LRRC56: variants seen among roughly 807,000 people sequenced by gnomAD.
LRRC56 encodes the protein leucine rich repeat containing 56, also known as leucine-rich repeat-containing protein 56.
In LRRC56, 41 loss-of-function variants were observed where a neutral mutation model predicts 47.8. The observed-to-expected ratio is 0.86, with a 90% confidence interval of 0.67 to 1.11. The LOEUF (loss-of-function observed/expected upper bound fraction) is 1.11. Among genes scored for constraint, LRRC56 ranks in the 50% most tolerant of loss-of-function variants. LRRC56 has a pLI of 0.00. For missense variants in LRRC56, 759 were observed against 704.2 expected, an observed-to-expected ratio of 1.08 and a Z score of -0.88; for synonymous variants, 387 against 311.2, an observed-to-expected ratio of 1.24 and a Z score of -2.56.
chr11:554,691 A>G lies in LRRC56; in HGVS notation c.*415A>G. On this transcript the variant is annotated 3_prime_UTR_variant, in exon 14 of 14. Coordinates refer to ENST00000270115, the MANE Select transcript of LRRC56 (RefSeq NM_198075.4). ...GGGTAAGAGCCACCTCCTAGGCCGCAGTGGCCCAAGGTCCCAGCTGCTCGC... is the reference window on the plus strand; with the variant it reads ...GGGTAAGAGCCACCTCCTAGGCCGCGGTGGCCCAAGGTCCCAGCTGCTCGC... 1 of 429,110 alleles carries G rather than the reference A, an allele frequency of 2.3e-6. No homozygotes were observed. Among genetic ancestry groups the G allele is most frequent in the South Asian group, 3.4e-5 (1 of 29,560 alleles). The allele number at this position is 429,110 out of a possible 1,614,324, so 26.6% of individuals were successfully genotyped here.
the LRRC56 span, among the ~76,000 whole-genome samples, chr11:510,069 C>T: frequency 6.6e-6 from 1 of 152,072 alleles, no homozygotes; most frequent in African/African-American, 2.4e-5. Context: ...GCTGCCCTTT[C>T]CTTCTCCACC....
chr11:546,295 A>G (rs894056994), intron 6 of LRRC56, among the ~76,000 whole-genome samples: 5 of 152,042 alleles, frequency 3.3e-5, no homozygotes, highest in African/African-American at 9.7e-5. Context: ...TAGGCCAGGC[A>G]CAGTGGTTCA....
chr11:548,982 C>T (rs1476504399), intron 6 of LRRC56, among the ~76,000 whole-genome samples: 1 of 152,134 alleles, frequency 6.6e-6, no homozygotes, highest in Non-Finnish European at 1.5e-5. Context: ...CAAATCCCAG[C>T]CAATTCAGAG....
the LRRC56 span, among the ~76,000 whole-genome samples, chr11:509,785 G>A: frequency 4.8e-5 from 7 of 147,180 alleles, no homozygotes; most frequent in African/African-American, 1.8e-4. Flanking sequence ...GGATGGTCTC[G>A]AGCTCCTGAC....
At chr11:546,204 C>T (rs1852071010) in intron 6 of LRRC56, among the ~76,000 whole-genome samples, 1 of 151,820 alleles carries the variant, frequency 6.6e-6, no homozygotes, top group African/African-American at 2.4e-5. Flanking sequence ...AGCCGGGAGG[C>T]AGATGCTGCA....
At chr11:513,996 G>GT in the LRRC56 span, among the ~76,000 whole-genome samples, 4 of 151,524 alleles carry the variant, frequency 2.6e-5, no homozygotes, top group East Asian at 2.0e-4. Context: ...TTGTTTGTTT[G>GT]TTTTTTAATT....
the LRRC56 span, among the ~76,000 whole-genome samples, chr11:516,556 C>T: frequency 7.2e-5 from 11 of 152,286 alleles, no homozygotes; most frequent in East Asian, 2.1e-3. Context: ...TAAGTGCACA[C>T]CATGACGCAG....
chr11:509,763 G>A, the LRRC56 span, among the ~76,000 whole-genome samples: 2 of 145,894 alleles, frequency 1.4e-5, no homozygotes, highest in African/African-American at 5.1e-5. Flanking sequence ...CAGGGTTTCA[G>A]CGTGTTAGCC....
At position 554,704 on chromosome 11, in the gene LRRC56, C is replaced by G. The variant is rs917846970; in HGVS notation, c.*428C>G. Reference sequence around the variant, plus strand: ...CTCCTAGGCCGCAGTGGCCCAAGGTCCCAGCTGCTCGCCTGAGGCCGCCGG... The same window carrying G: ...CTCCTAGGCCGCAGTGGCCCAAGGTGCCAGCTGCTCGCCTGAGGCCGCCGG... On this transcript the variant is annotated 3_prime_UTR_variant, in exon 14 of 14. Transcript: ENST00000270115. 4 of 450,928 alleles carry G rather than the reference C, an allele frequency of 8.9e-6. No individual in the cohort carries two copies. Among genetic ancestry groups the G allele is most frequent in the African/African-American group, 8.3e-5 (4 of 47,912 alleles). 27.9% of individuals were successfully genotyped at this position (450,928 alleles called of 1,614,324 possible). A position where few individuals can be genotyped will look rare whatever the true frequency, so the allele number is the denominator to read the frequency against.
At position 554,822 on chromosome 11, in the gene LRRC56, C is replaced by G. The variant is rs757318140; in HGVS notation, c.*546C>G. On this transcript the variant is annotated 3_prime_UTR_variant, in exon 14 of 14. Transcript: ENST00000270115. The stretch of plus-strand genomic sequence containing the variant: ...TTCCCTCCTCTTGGCGCAGGACGCC[C>G]CGGAACCCAAACCAACATTTCCAGC... The G allele has an allele frequency of 1.9e-5, 11 of 581,446 alleles. No individual in the cohort carries two copies. The African/African-American group carries it at 2.3e-4, about 12-fold the overall frequency. 36.0% of individuals were successfully genotyped at this position (581,446 alleles called of 1,614,324 possible).
chr11:533,833 C>CGGT, upstream of LRRC56: 1 of 1,613,376 alleles, frequency 6.2e-7, no homozygotes, highest in Non-Finnish European at 8.5e-7. Context: ...AAGCCCTCCC[C>CGGT]GGTGCGCATG....
chr11:525,499 A>T, the LRRC56 span, among the ~76,000 whole-genome samples: 1 of 151,458 alleles, frequency 6.6e-6, no homozygotes, highest in Non-Finnish European at 1.5e-5. Flanking sequence ...AGATCGCGCC[A>T]CTGCACTCCA....
chr11:554,029 C>T lies in LRRC56; in HGVS notation c.1382C>T (p.Ser461Phe), dbSNP rs1046011483. Residue 461 changes from serine to phenylalanine, a missense_variant, in exon 14 of 14, where the codon TCT becomes TTT. Coordinates refer to ENST00000270115, the MANE Select transcript of LRRC56 (RefSeq NM_198075.4). Reference sequence around the variant, plus strand: ...CCCAAGCACCCAAGGCCACGAGATTCTGGCAGCAGCTCCCCGCGGTGGTCG... The same window carrying T: ...CCCAAGCACCCAAGGCCACGAGATTTTGGCAGCAGCTCCCCGCGGTGGTCG... Reference protein sequence around the residue: ...SPPKHPRPRDSGSSSPRWSTD... With the variant: ...SPPKHPRPRDFGSSSPRWSTD... 1 of 1,612,110 alleles carries T rather than the reference C, an allele frequency of 6.2e-7. No individual in the cohort carries two copies. The highest frequency in any genetic ancestry group is 1.3e-5 in the African/African-American group (1 of 74,906).
the LRRC56 span, among the ~76,000 whole-genome samples, chr11:507,633 C>T: frequency 2.0e-5 from 3 of 152,158 alleles, no homozygotes; most frequent in Non-Finnish European, 4.4e-5. Context: ...TGCTGGGGCG[C>T]GGGGCGCGGC....
rs1420755359 is a variant in LRRC56, at chr11:554,699, A to G, written c.*423A>G. The G allele has an allele frequency of 1.6e-5, 7 of 437,838 alleles. No individual in the cohort carries two copies. Among genetic ancestry groups the G allele is most frequent in the Non-Finnish European group, 2.9e-5 (7 of 245,106 alleles). The allele number at this position is 437,838 out of a possible 1,614,324, so 27.1% of individuals were successfully genotyped here. ...GCCACCTCCTAGGCCGCAGTGGCCC[A>G]AGGTCCCAGCTGCTCGCCTGAGGCC... is the stretch of plus-strand genomic sequence containing the variant. On this transcript the variant is annotated 3_prime_UTR_variant, in exon 14 of 14. Transcript: ENST00000270115.
upstream of LRRC56, chr11:533,775 T>G (rs1408819968): frequency 6.2e-7 from 1 of 1,613,262 alleles, no homozygotes; most frequent in Non-Finnish European, 8.5e-7. Flanking sequence ...CCTGTACTGG[T>G]GGATGTCCTC....
the LRRC56 span, among the ~76,000 whole-genome samples, chr11:519,239 G>GCGGCC: frequency 2.1e-4 from 32 of 151,528 alleles, 3 homozygotes; most frequent in Non-Finnish European, 3.1e-4. Flanking sequence ...CTAAAGGAAC[G>GCGGCC]TGGCCTGATA....
the LRRC56 span, among the ~76,000 whole-genome samples, chr11:516,437 TCTCA>T: frequency 6.6e-6 from 1 of 151,060 alleles, no homozygotes; most frequent in African/African-American, 2.4e-5. Flanking sequence ...TAGAATGCCC[TCTCA>T]CTTGACCATT....
chr11:542,917 A>G (rs1388328893), intron 5 of LRRC56, among the ~76,000 whole-genome samples: 1 of 151,038 alleles, frequency 6.6e-6, no homozygotes, highest in Non-Finnish European at 1.5e-5. Context: ...TTTTTTTGAG[A>G]TGGAGTCTCA....
Sources: gnomAD v4.1 joint callset for allele counts (sites outside exome capture counted in the v4.1 genomes callset) on GRCh38, gnomAD v4.1.1 for gene constraint, MANE v1.5 for transcripts, NCBI Gene and HGNC (gene_info 2026-07-23, HGNC 2026-07-21) for gene names.